The following COX7B2 variants were observed in gnomAD, a reference collection of about 807,000 sequenced individuals.
The protein encoded by COX7B2 is cytochrome c oxidase subunit 7B2, also known as cytochrome c oxidase subunit 7B2, mitochondrial.
For synonymous variants in COX7B2, 37 were observed against 32.1 expected, an observed-to-expected ratio of 1.15 and a Z score of -0.51; for missense variants, 109 against 95.9, an observed-to-expected ratio of 1.14 and a Z score of -0.57.
intron 2 of COX7B2, among the ~76,000 whole-genome samples, chr4:46,747,355 G>C (rs1224773469): frequency 6.6e-6 from 1 of 151,134 alleles, no homozygotes; most frequent in Non-Finnish European, 1.5e-5. Context: ...CCAGGCTGGA[G>C]GGCAATGGTG....
chr4:46,850,784 C>T (rs1207327197), intron 1 of COX7B2, among the ~76,000 whole-genome samples: 1 of 152,030 alleles, frequency 6.6e-6, no homozygotes, highest in Non-Finnish European at 1.5e-5. Flanking sequence ...CTACTTAACC[C>T]ACTGCCCCTG....
rs539887658 is a variant in COX7B2 at position 46,753,365 on chromosome 4, C to T, written c.-49-18124G>A. On this transcript the variant is annotated intron_variant, in intron 2 of 2. Transcript: ENST00000355591. ...CAATTTTGTTGATCTTTTCAAAAAA[C>T]CAGCACCCAATGGAACAGAACAGAG... Among the ~76,000 whole-genome samples, 39 of 152,030 alleles carry T rather than the reference C, an allele frequency of 2.6e-4. No individual in the cohort carries two copies. In the South Asian group the frequency reaches 4.2e-3, roughly 16 times the overall value.
chr4:46,807,266 A>C (rs1719051256), intron 2 of COX7B2, among the ~76,000 whole-genome samples: 1 of 151,788 alleles, frequency 6.6e-6, no homozygotes, highest in African/African-American at 2.4e-5. Context: ...CTAATGGTTA[A>C]TTATGTTGAG....
intron 2 of COX7B2, among the ~76,000 whole-genome samples, chr4:46,818,807 C>A (rs2109685695): frequency 6.6e-6 from 1 of 152,334 alleles, no homozygotes; most frequent in East Asian, 1.9e-4. Context: ...CCACAGATGG[C>A]ATATTAGTCT....
intron 1 of COX7B2, among the ~76,000 whole-genome samples, chr4:46,862,648 A>G (rs1717407400): frequency 6.6e-6 from 1 of 152,236 alleles, no homozygotes; most frequent in African/African-American, 2.4e-5. Flanking sequence ...TGTTGGTTCA[A>G]TAAAAACACC....
intron 1 of COX7B2, among the ~76,000 whole-genome samples, chr4:46,881,798 G>T (rs181470482): frequency 6.6e-6 from 1 of 152,056 alleles, no homozygotes; most frequent in East Asian, 1.9e-4. Flanking sequence ...GTGATTTTGG[G>T]GGCCCAAGAT....
chr4:46,847,491 G>A (rs1716365847), intron 1 of COX7B2, among the ~76,000 whole-genome samples: 1 of 152,004 alleles, frequency 6.6e-6, no homozygotes, highest in Admixed American at 6.6e-5. Context: ...GATATCCCAG[G>A]CCCAAATGAT....
intron 2 of COX7B2, among the ~76,000 whole-genome samples, chr4:46,839,971 A>T (rs1715819631): frequency 6.6e-6 from 1 of 152,062 alleles, no homozygotes; most frequent in Non-Finnish European, 1.5e-5. Context: ...TCCATTAGGG[A>T]ACTGAGACAA....
In COX7B2 at chr4:46,769,844, C is replaced by T. The variant is rs138769287; in HGVS notation, c.-49-34603G>A. On this transcript the variant is annotated intron_variant, in intron 2 of 2. Coordinates refer to ENST00000355591, the MANE Select transcript of COX7B2 (RefSeq NM_130902.3). ...AATTAGGTATAGAAAGAATGTTCCT[C>T]GAAAAAATAAAGACCATATACAATA... 1.2e-4 allele frequency among the ~76,000 whole-genome samples: 18 copies of T among 152,140 alleles called. No individual in the cohort carries two copies. The East Asian group carries it at 3.1e-3, about 26-fold the overall frequency.
intron 1 of COX7B2, among the ~76,000 whole-genome samples, chr4:46,852,843 T>G (rs979435097): frequency 1.3e-5 from 2 of 152,082 alleles, no homozygotes; most frequent in African/African-American, 4.8e-5. Flanking sequence ...AGTGTCACAT[T>G]TTTTGCTTTT....
intron 2 of COX7B2, among the ~76,000 whole-genome samples, chr4:46,795,607 G>C (rs2109601316): frequency 8.2e-6 from 1 of 121,592 alleles, no homozygotes; most frequent in Admixed American, 8.8e-5. Flanking sequence ...CTGTAGCCTT[G>C]TAGTATAGTT....
intron 2 of COX7B2, among the ~76,000 whole-genome samples, chr4:46,787,638 A>T (rs1394388833): frequency 1.3e-5 from 2 of 152,032 alleles, no homozygotes; most frequent in African/African-American, 4.8e-5. Flanking sequence ...TACTGAAGAG[A>T]CTCTATTGAA....
intron 2 of COX7B2, among the ~76,000 whole-genome samples, chr4:46,787,691 G>T (rs146511691): frequency 7.4e-4 from 113 of 152,288 alleles, no homozygotes; most frequent in African/African-American, 2.6e-3. Flanking sequence ...ACAGTGTCTA[G>T]CAGAGCCTTG....
intron 2 of COX7B2, among the ~76,000 whole-genome samples, chr4:46,780,673 TACA>T (rs1717400033): frequency 6.6e-6 from 1 of 152,160 alleles, no homozygotes; most frequent in Non-Finnish European, 1.5e-5. Context: ...GAAACATAAA[TACA>T]ACACTAATTG....
At chr4:46,743,486 C>G (rs1714833440) in intron 2 of COX7B2, among the ~76,000 whole-genome samples, 1 of 152,190 alleles carries the variant, frequency 6.6e-6, no homozygotes, top group African/African-American at 2.4e-5. Context: ...TACATAGTCT[C>G]TTAGCTTTAA....
chr4:46,751,117 C>T (rs1170251390), intron 2 of COX7B2, among the ~76,000 whole-genome samples: 1 of 148,842 alleles, frequency 6.7e-6, no homozygotes, highest in Admixed American at 6.9e-5. Flanking sequence ...CTGGAATAGA[C>T]ATTCCTTCTT....
At chr4:46,795,319 T>A (rs574964237) in intron 2 of COX7B2, among the ~76,000 whole-genome samples, 20 of 84,752 alleles carry the variant, frequency 2.4e-4, no homozygotes, top group Non-Finnish European at 4.2e-4. Flanking sequence ...CTTCTAGGGT[T>A]TTTATGGTTT....
Position 46,902,562 on chromosome 4 carries a change from T to C in COX7B2, c.-105+6598A>G, listed in dbSNP as rs964508110. Among the ~76,000 whole-genome samples the C allele has an allele frequency of 5.3e-5, 8 of 152,364 alleles. 2 individuals are homozygous for C. Among genetic ancestry groups the C allele is most frequent in the Admixed American group, 1.3e-4 (2 of 15,306 alleles). On this transcript the variant is annotated intron_variant, in intron 1 of 2. Coordinates refer to ENST00000355591, the MANE Select transcript of COX7B2 (RefSeq NM_130902.3). ...TTTCATGAGTCACCTACACCATCTA[T>C]GACTTTAGGTATTGTCTTCTGAGAC...
intron 2 of COX7B2, among the ~76,000 whole-genome samples, chr4:46,787,059 T>C (rs1382065680): frequency 6.6e-6 from 1 of 152,190 alleles, no homozygotes. Flanking sequence ...TCTCCTTGTG[T>C]GATCTTAGGA....
Sources: gnomAD v4.1 joint callset for allele counts (sites outside exome capture counted in the v4.1 genomes callset) on GRCh38, gnomAD v4.1.1 for gene constraint, MANE v1.5 for transcripts, NCBI Gene and HGNC (gene_info 2026-07-23, HGNC 2026-07-21) for gene names.